The following PPP1R12B variants were observed in gnomAD, a reference collection of about 807,000 sequenced individuals.
The protein encoded by PPP1R12B is myosin phosphatase target subunit 2.
Under a neutral mutation model 126.1 loss-of-function variants are expected in PPP1R12B, and 76 were observed. The observed-to-expected ratio is 0.60, with a 90% CI of 0.50 to 0.73. The LOEUF is 0.73. Among genes scored for constraint, PPP1R12B ranks in the 30% least tolerant of loss-of-function variants. The pLI, the probability that PPP1R12B is intolerant of heterozygous loss-of-function variation, is 0.00. For synonymous variants in PPP1R12B, 356 were observed against 434.7 expected (o/e 0.82, Z 2.25); for missense variants, 1,052 against 1,205.1 (o/e 0.87, Z 1.88).
intron 9 of PPP1R12B, among the ~76,000 whole-genome samples, 173 bp downstream of exon 9, chr1:202,434,941 T>C (rs112011334): frequency 6.2e-4 from 94 of 152,330 alleles, no homozygotes; most frequent in African/African-American, 2.1e-3. Flanking sequence ...CAGACATTTA[T>C]TTCTCACAGT....
intron 18 of PPP1R12B, among the ~76,000 whole-genome samples, chr1:202,503,159 T>C (rs1680414196): frequency 6.6e-6 from 1 of 152,176 alleles, no homozygotes; most frequent in African/African-American, 2.4e-5. Context: ...ACCAGGATAA[T>C]AGCAGGCAGT....
At chr1:202,353,545 CTT>C (rs1292655407) in intron 1 of PPP1R12B, among the ~76,000 whole-genome samples, 5 of 147,420 alleles carry the variant, frequency 3.4e-5, no homozygotes, top group Non-Finnish European at 7.4e-5. Context: ...ATAAAAATGA[CTT>C]TCATTTGTTC....
At chr1:202,524,844 A>AT (rs1023990720) in intron 18 of PPP1R12B, among the ~76,000 whole-genome samples, 4 of 151,902 alleles carry the variant, frequency 2.6e-5, no homozygotes, top group African/African-American at 9.7e-5. Context: ...ATGTGCAAGT[A>AT]TTTTTTTCGT....
chr1:202,579,678 T>C (rs1412499707), intron 23 of PPP1R12B, among the ~76,000 whole-genome samples: 3 of 152,164 alleles, frequency 2.0e-5, no homozygotes, highest in Non-Finnish European at 4.4e-5. Flanking sequence ...CTAATAAAAT[T>C]GAGTTTCCAC....
intron 10 of PPP1R12B, chr1:202,438,929 C>T: frequency 6.5e-7 from 1 of 1,529,180 alleles, no homozygotes; most frequent in African/African-American, 1.4e-5. Flanking sequence ...GGAGGTGACC[C>T]CGAAGACGGC....
At chr1:202,575,315 C>T in intron 23 of PPP1R12B, 1 of 918,172 alleles carries the variant, frequency 1.1e-6, no homozygotes, top group Non-Finnish European at 1.6e-6. Flanking sequence ...TAGAATGGGA[C>T]ATACCAGCCT....
At chr1:202,511,715 C>T (rs532662396) in intron 18 of PPP1R12B, among the ~76,000 whole-genome samples, 9 of 150,946 alleles carry the variant, frequency 6.0e-5, no homozygotes, top group Admixed American at 4.0e-4. Context: ...CTATGAATGT[C>T]ATTATTTCAT....
chr1:202,499,362 C>G (rs1357946167), intron 18 of PPP1R12B, among the ~76,000 whole-genome samples: 2 of 152,136 alleles, frequency 1.3e-5, no homozygotes, highest in African/African-American at 4.8e-5. Flanking sequence ...TCAAGTGATC[C>G]TACTACCTCA....
intron 18 of PPP1R12B, among the ~76,000 whole-genome samples, chr1:202,537,764 CG>C (rs1259913133): frequency 1.3e-5 from 2 of 152,074 alleles, no homozygotes; most frequent in Non-Finnish European, 2.9e-5. Flanking sequence ...TAATGTAAAC[CG>C]GTGACTTTCA....
At position 202,361,366 on chromosome 1, in the gene PPP1R12B, C is replaced by T. The variant is rs574477187; in HGVS notation, c.291+12224C>T. ...CATGGTGAGGGCCTCGGGAAGCTTA[C>T]AGTCATGCAAAAGGCAAAGGGGAAG... On this transcript the variant is annotated intron_variant, in intron 1 of 23. Transcript: ENST00000608999. 1.6e-4 allele frequency among the ~76,000 whole-genome samples: 24 copies of T among 152,302 alleles called. No homozygotes were observed. In the South Asian group the frequency reaches 5.0e-3, roughly 32 times the overall value.
At position 202,569,145 on chromosome 1, in the gene PPP1R12B, A is replaced by G. The variant is rs1688347341; in HGVS notation, c.2812-2A>G. 6.2e-7 allele frequency: 1 copy of G among 1,613,166 alleles called. No homozygotes were observed. The highest frequency in any genetic ancestry group is 1.3e-5 in the African/African-American group (1 of 75,024). On this transcript the variant is annotated splice_acceptor_variant, in intron 22 of 23. Transcript: ENST00000608999. LOFTEE classifies it high-confidence loss of function. The stretch of plus-strand genomic sequence containing the variant: ...TTCAACAGTCTCATTGTTCCGAAAC[A>G]GGAGAGGCGAGCCTTGGAGCGCAAA...
chr1:202,377,174 T>C (rs1571685689), intron 1 of PPP1R12B, among the ~76,000 whole-genome samples: 1 of 152,240 alleles, frequency 6.6e-6, no homozygotes, highest in East Asian at 1.9e-4. Context: ...ATGAATACAC[T>C]GGCTAATTAG....
chr1:202,451,790 G>T (rs1219443737), intron 13 of PPP1R12B, among the ~76,000 whole-genome samples: 2 of 150,918 alleles, frequency 1.3e-5, no homozygotes, highest in African/African-American at 4.9e-5. Context: ...GCGGCTGGCA[G>T]GGTGGGGGCT....
intron 1 of PPP1R12B, among the ~76,000 whole-genome samples, chr1:202,386,154 C>G (rs1011708848): frequency 6.6e-6 from 1 of 151,670 alleles, no homozygotes; most frequent in Non-Finnish European, 1.5e-5. Context: ...AGGATAGTCT[C>G]AATCTCCTGA....
At chr1:202,349,739 C>T (rs1655596566) in intron 1 of PPP1R12B, among the ~76,000 whole-genome samples, 1 of 152,154 alleles carries the variant, frequency 6.6e-6, no homozygotes, top group African/African-American at 2.4e-5. Context: ...CTCAGCAGTG[C>T]TACCTCCCTG....
chr1:202,422,662 T>G lies in PPP1R12B; in HGVS notation c.465T>G (p.Ser155Arg). The G allele has an allele frequency of 6.2e-7, 1 of 1,613,830 alleles. No homozygotes were observed. The highest frequency in any genetic ancestry group is 8.5e-7 in the Non-Finnish European group (1 of 1,179,778). ...GAGCCAGTGTAGGTATTGTCAATAG[T>G]GAAGGTGAAGTTCCCTCTGACCTTG... The part of the protein sequence containing the change: ...NHGASVGIVN[S>R]EGEVPSDLAE... Residue 155 changes from serine to arginine, a missense_variant, in exon 3 of 24, where the codon AGT (serine) becomes AGG (arginine). Ser to Arg is a moderately radical substitution (Grantham distance 110). Transcript: ENST00000608999.
intron 1 of PPP1R12B, among the ~76,000 whole-genome samples, chr1:202,412,366 A>G (rs577867081): frequency 6.6e-6 from 1 of 152,348 alleles, no homozygotes; most frequent in South Asian, 2.1e-4. Context: ...AGTAGTGATG[A>G]GGTGAAGGAG....
At chr1:202,450,567 A>AT (rs954145729) in intron 13 of PPP1R12B, among the ~76,000 whole-genome samples, 1 of 152,234 alleles carries the variant, frequency 6.6e-6, no homozygotes, top group African/African-American at 2.4e-5. Context: ...ACTTCATATT[A>AT]TTTTGAATAT....
chr1:202,474,567 C>T (rs551033479), intron 13 of PPP1R12B, among the ~76,000 whole-genome samples: 3 of 152,188 alleles, frequency 2.0e-5, no homozygotes, highest in Admixed American at 6.5e-5. Context: ...CATGAGCCAC[C>T]GCGCCCAGCC....
Sources: gnomAD v4.1 joint callset for allele counts (sites outside exome capture counted in the v4.1 genomes callset) on GRCh38, gnomAD v4.1.1 for gene constraint, MANE v1.5 for transcripts, NCBI Gene and HGNC (gene_info 2026-07-23, HGNC 2026-07-21) for gene names.